The following FZR1 variants were observed in gnomAD, a reference collection of about 807,000 sequenced individuals.
The protein encoded by FZR1 is fizzy-related protein homolog.
A neutral mutation model predicts 63.6 loss-of-function variants in FZR1; 11 were observed. The ratio of observed to expected loss-of-function variants is 0.17; its 90% CI spans 0.11 to 0.29. The LOEUF is 0.29. Among genes scored for constraint, FZR1 ranks in the 10% least tolerant of loss-of-function variants. FZR1 has a pLI of 1.00. For synonymous variants in FZR1, 328 were observed against 297.9 expected (o/e 1.10, Z -1.04); for missense variants, 440 against 687.5 (o/e 0.64, Z 4.03).
chr19:3,525,060 A>C lies in FZR1; in HGVS notation c.70-808A>C, dbSNP rs1287669989. 6.6e-6 allele frequency among the ~76,000 whole-genome samples: 1 copy of C among 152,158 alleles called. No individual in the cohort carries two copies. Among genetic ancestry groups the C allele is most frequent in the African/African-American group, 2.4e-5 (1 of 41,430 alleles). On this transcript the variant is annotated intron_variant, in intron 2 of 13. Coordinates refer to ENST00000441788, the MANE Select transcript of FZR1 (RefSeq NM_016263.4). This position sits in a 1 kb window ranked among gnomAD's most constrained non-coding sequence, Gnocchi z 4.2. ...GACAGTCAGATGGGGTTGGAGGGTT[A>C]GACGGGTGTTGTGGGCAGCAGGAGA...
chr19:3,519,886 C>T (rs916866117), intron 1 of FZR1, among the ~76,000 whole-genome samples: 11 of 152,170 alleles, frequency 7.2e-5, no homozygotes, highest in Non-Finnish European at 1.3e-4. Context: ...GGGCCCCACA[C>T]CCACAGCTCT....
Position 3,516,213 on chromosome 19 carries a change from G to A in FZR1, c.-34-6743G>A, listed in dbSNP as rs1294307847. Among the ~76,000 whole-genome samples, 1 of 152,184 alleles carries A rather than the reference G, an allele frequency of 6.6e-6. No individual in the cohort carries two copies. The highest frequency in any genetic ancestry group is 2.4e-5 in the African/African-American group (1 of 41,444). On this transcript the variant is annotated intron_variant, in intron 1 of 13. Transcript: ENST00000441788. This position sits in a 1 kb window ranked among gnomAD's most constrained non-coding sequence, Gnocchi z 6.0. ...TCCCCACGCCTGGGATGGTGAGGCC[G>A]AGTCCCCCAGCCCACAGCCTCCCCC...
Position 3,526,576 on chromosome 19 carries a change from G to A in FZR1, c.387+190G>A, listed in dbSNP as rs2083160474. Among the ~76,000 whole-genome samples, 1 of 152,218 alleles carries A rather than the reference G, an allele frequency of 6.6e-6. No homozygotes were observed. Among genetic ancestry groups the A allele is most frequent in the Non-Finnish European group, 1.5e-5 (1 of 68,026 alleles). On this transcript the variant is annotated intron_variant, in intron 5 of 13. Coordinates refer to ENST00000441788, the MANE Select transcript of FZR1 (RefSeq NM_016263.4). This position sits in a 1 kb window ranked among gnomAD's most constrained non-coding sequence, Gnocchi z 5.4. ...GGATCTGAGGCTGGAGGTCTAGCAGGTAAACTGGGATGTGGGGGTGCGGGA... is the reference window on the plus strand; with the variant it reads ...GGATCTGAGGCTGGAGGTCTAGCAGATAAACTGGGATGTGGGGGTGCGGGA...
At chr19:3,518,300 A>G (rs898721936) in intron 1 of FZR1, among the ~76,000 whole-genome samples, 2 of 152,038 alleles carry the variant, frequency 1.3e-5, no homozygotes, top group Non-Finnish European at 2.9e-5. Flanking sequence ...TATTTTTTGT[A>G]GAAACGGGGT....
In FZR1 at chr19:3,526,947, G is replaced by A. The variant is rs201406112; in HGVS notation, c.388-33G>A. On this transcript the variant is annotated intron_variant, in intron 5 of 13. Coordinates refer to ENST00000441788, the MANE Select transcript of FZR1 (RefSeq NM_016263.4). The surrounding 1 kb of genome is among the most constrained non-coding windows in gnomAD (Gnocchi z 5.4). ...GCTCTGAGGGTCCTGCGGCCTGGGCGTGCGCTCAGCTGGCATGTCCCCCGC... is the reference window on the plus strand; with the variant it reads ...GCTCTGAGGGTCCTGCGGCCTGGGCATGCGCTCAGCTGGCATGTCCCCCGC... 4.8e-5 allele frequency: 73 copies of A among 1,518,904 alleles called. No homozygotes were observed. The highest frequency in any genetic ancestry group is 1.0e-4 in the Admixed American group (6 of 59,862). The allele number at this position is 1,518,904 out of a possible 1,614,324, so 94.1% of individuals were successfully genotyped here.
intron 1 of FZR1, among the ~76,000 whole-genome samples, chr19:3,507,671 G>A (rs2082994761): frequency 6.6e-6 from 1 of 152,178 alleles, no homozygotes; most frequent in Non-Finnish European, 1.5e-5. Flanking sequence ...CCAGCATGAG[G>A]GCAGCCTGCG....
intron 1 of FZR1, among the ~76,000 whole-genome samples, chr19:3,511,167 C>T (rs2083021990): frequency 6.6e-6 from 1 of 152,236 alleles, no homozygotes; most frequent in South Asian, 2.1e-4. Flanking sequence ...ACCCAGGTGT[C>T]TTTTAGGTCT....
chr19:3,522,082 C>T (rs2083107539), intron 1 of FZR1, among the ~76,000 whole-genome samples: 1 of 152,168 alleles, frequency 6.6e-6, no homozygotes, highest in African/African-American at 2.4e-5. Flanking sequence ...CTGGGTGACA[C>T]AGGGAGACCT....
rs374041533 is a variant in FZR1 at position 3,526,176 on chromosome 19, C to T, written c.252C>T (p.Asn84=). The part of the protein sequence containing the change: ...NRKAKDATSD[N]GKDGLAYSAL... ...AAGCCAAGGACGCCACCTCAGACAA[C>T]GGCAAAGGTTAGGGTCCCAGCCCAT... Residue 84 remains asparagine, a synonymous_variant, in exon 4 of 14, where the codon AAC becomes AAT. Coordinates refer to ENST00000441788, the MANE Select transcript of FZR1 (RefSeq NM_016263.4). The surrounding 1 kb of genome is among the most constrained non-coding windows in gnomAD (Gnocchi z 5.4). 4.3e-5 allele frequency: 70 copies of T among 1,612,616 alleles called. No homozygotes were observed. Among genetic ancestry groups the T allele is most frequent in the African/African-American group, 6.7e-5 (5 of 74,930 alleles).
In FZR1 at chr19:3,537,938, G is replaced by A. The variant is rs1039559605; in HGVS notation, c.*3102G>A. 1.3e-5 allele frequency: 2 copies of A among 152,670 alleles called. No homozygotes were observed. The highest frequency in any genetic ancestry group is 1.9e-4 in the East Asian group (1 of 5,198). 9.5% of individuals were successfully genotyped at this position (152,670 alleles called of 1,614,324 possible). On this transcript the variant is annotated 3_prime_UTR_variant, in exon 14 of 14. Transcript: ENST00000441788. ...AAGCCTGGCATTTCAGCCAGGGCTGGAGAAGGCAGGGACGCCTGGGTGAGA... is the reference window on the plus strand; with the variant it reads ...AAGCCTGGCATTTCAGCCAGGGCTGAAGAAGGCAGGGACGCCTGGGTGAGA...
Position 3,533,556 on chromosome 19 carries a change from G to T in FZR1, c.1347+158G>T. On this transcript the variant is annotated intron_variant, in intron 12 of 13. Coordinates refer to ENST00000441788, the MANE Select transcript of FZR1 (RefSeq NM_016263.4). This position sits in a 1 kb window ranked among gnomAD's most constrained non-coding sequence, Gnocchi z 4.9. ...GGGGCCGGCAGGGCATCTGGTGCTG[G>T]TTGTGTTGCCAGCGTTGGAATGGGC... 1.7e-6 allele frequency: 1 copy of T among 603,822 alleles called. No individual in the cohort carries two copies. The highest frequency in any genetic ancestry group is 2.9e-5 in the East Asian group (1 of 35,020). The allele number at this position is 603,822 out of a possible 1,614,324, so 37.4% of individuals were successfully genotyped here. A position where few individuals can be genotyped will look rare whatever the true frequency, so the allele number is the denominator to read the frequency against.
intron 7 of FZR1, among the ~76,000 whole-genome samples, chr19:3,529,878 G>T (rs1379785304): frequency 8.2e-6 from 1 of 122,452 alleles, no homozygotes; most frequent in Non-Finnish European, 1.8e-5. Context: ...GTGGGTGAGC[G>T]GGTGGGAGAG....
rs774059225 is a variant in FZR1 at position 3,525,821 on chromosome 19, G to T, written c.70-47G>T. On this transcript the variant is annotated intron_variant, in intron 2 of 13. Coordinates refer to ENST00000441788, the MANE Select transcript of FZR1 (RefSeq NM_016263.4). The surrounding 1 kb of genome is among the most constrained non-coding windows in gnomAD (Gnocchi z 4.2). Reference sequence around the variant, plus strand: ...GAGAGGCTGGCCTGGGGGCACTCTCGGGGGGCTCTCGGTGCTGAGAGCAAG... The same window carrying T: ...GAGAGGCTGGCCTGGGGGCACTCTCTGGGGGCTCTCGGTGCTGAGAGCAAG... The T allele has an allele frequency of 5.0e-6, 8 of 1,595,092 alleles. No individual in the cohort carries two copies. The highest frequency in any genetic ancestry group is 1.7e-5 in the Admixed American group (1 of 59,490).
rs1192072924 is a variant in FZR1 at position 3,533,665 on chromosome 19, AAG to A, written c.1347+270_1347+271del. 9.6e-6 allele frequency: 4 copies of A among 418,216 alleles called. No homozygotes were observed. The highest frequency in any genetic ancestry group is 1.3e-5 in the Non-Finnish European group (3 of 228,830). 25.9% of individuals were successfully genotyped at this position (418,216 alleles called of 1,614,324 possible). A position where few individuals can be genotyped will look rare whatever the true frequency, so the allele number is the denominator to read the frequency against. On this transcript the variant is annotated intron_variant, in intron 12 of 13. Transcript: ENST00000441788. This position sits in a 1 kb window ranked among gnomAD's most constrained non-coding sequence, Gnocchi z 4.9. ...TCTTCATTTGTTTATTTTCCCCATAAAGAGGGGTGAAGAGGAAAGCCAAAACC... is the reference window on the plus strand; with the variant it reads ...TCTTCATTTGTTTATTTTCCCCATAAAGGGGTGAAGAGGAAAGCCAAAACC...
At chr19:3,511,187 A>G (rs2083022142) in intron 1 of FZR1, among the ~76,000 whole-genome samples, 1 of 152,194 alleles carries the variant, frequency 6.6e-6, no homozygotes, top group Non-Finnish European at 1.5e-5. Flanking sequence ...TGAAGGTGTC[A>G]TCAAGTCAGA....
At chr19:3,530,696 G>A in intron 7 of FZR1, 96 bp from the exon 8 acceptor site, 1 of 855,768 alleles carries the variant, frequency 1.2e-6, no homozygotes, top group Non-Finnish European at 1.9e-6. Flanking sequence ...GAGTGGATGA[G>A]AGTGGATGGG....
rs555313107 is a variant in FZR1, at chr19:3,528,770, C to T, written c.654+956C>T. ...GAGTGGGTGGGTGTGTGGATGGGTGCGTGGATGGGTGCGTGGATGGGAGAG... is the reference window on the plus strand; with the variant it reads ...GAGTGGGTGGGTGTGTGGATGGGTGTGTGGATGGGTGCGTGGATGGGAGAG... On this transcript the variant is annotated intron_variant, in intron 7 of 13. Coordinates refer to ENST00000441788, the MANE Select transcript of FZR1 (RefSeq NM_016263.4). Among the ~76,000 whole-genome samples, 70 of 92,378 alleles carry T rather than the reference C, an allele frequency of 7.6e-4. 2 individuals carry two copies. Among genetic ancestry groups the T allele is most frequent in the African/African-American group, 3.3e-3 (68 of 20,690 alleles). The allele number at this position is 92,378 out of a possible 152,430, so 60.6% of individuals were successfully genotyped here. A position where few individuals can be genotyped will look rare whatever the true frequency, so the allele number is the denominator to read the frequency against.
Position 3,529,951 on chromosome 19 carries a change from G to A in FZR1, c.655-841G>A, listed in dbSNP as rs1373667209. ...GGATGGGAGAGCGCATGGGTGAGCA[G>A]ATGCAAGAGTGGATGAGAGTGGTTG... On this transcript the variant is annotated intron_variant, in intron 7 of 13. Coordinates refer to ENST00000441788, the MANE Select transcript of FZR1 (RefSeq NM_016263.4). 1.7e-5 allele frequency among the ~76,000 whole-genome samples: 2 copies of A among 115,548 alleles called. 1 individual carries two copies. Among genetic ancestry groups the A allele is most frequent in the Non-Finnish European group, 3.7e-5 (2 of 53,732 alleles). The allele number at this position is 115,548 out of a possible 152,430, so 75.8% of individuals were successfully genotyped here. A position where few individuals can be genotyped will look rare whatever the true frequency, so the allele number is the denominator to read the frequency against.
chr19:3,517,401 T>A (rs1428058765), intron 1 of FZR1, among the ~76,000 whole-genome samples: 1 of 151,398 alleles, frequency 6.6e-6, no homozygotes, highest in Admixed American at 6.6e-5. Flanking sequence ...AAAATAAAAA[T>A]CCTGGCTGGG....
Sources: allele counts gnomAD v4.1 joint callset (sites outside exome capture counted in the v4.1 genomes callset), GRCh38; gene constraint gnomAD v4.1.1; non-coding constraint Gnocchi (gnomAD v3.1); transcripts MANE v1.5; gene names NCBI Gene and HGNC (gene_info 2026-07-23, HGNC 2026-07-21).